CNTN4: variants seen among roughly 807,000 people sequenced by gnomAD.
CNTN4 encodes the protein contactin-4.
In CNTN4, 77 loss-of-function variants were observed where a neutral mutation model predicts 122.5. The observed-to-expected ratio is 0.63, with a 90% CI of 0.52 to 0.76. The LOEUF (loss-of-function observed/expected upper bound fraction) is 0.76. Ranked by LOEUF, CNTN4 falls within the 30% of genes least tolerant of loss-of-function variation. The pLI is 0.00. For synonymous variants in CNTN4, 512 were observed against 447.0 expected (o/e 1.15, Z -1.83); for missense variants, 1,256 against 1,259.1 (o/e 1.00, Z 0.04).
chr3:2,361,543 G>A (rs2045140720), intron 3 of CNTN4, among the ~76,000 whole-genome samples: 1 of 152,250 alleles, frequency 6.6e-6, no homozygotes, highest in East Asian at 1.9e-4. Flanking sequence ...TGTGACTTTG[G>A]CATTGTTAGC....
chr3:2,754,042 G>A (rs116717312), intron 6 of CNTN4, among the ~76,000 whole-genome samples: 1 of 152,086 alleles, frequency 6.6e-6, no homozygotes, highest in African/African-American at 2.4e-5. Flanking sequence ...GTGAATAACT[G>A]GTTGGTAAAC....
At chr3:2,908,679 TG>T (rs1352618240) in intron 12 of CNTN4, among the ~76,000 whole-genome samples, 2 of 152,084 alleles carry the variant, frequency 1.3e-5, no homozygotes, top group Non-Finnish European at 2.9e-5. Context: ...CCAGAAGTGG[TG>T]GGGGTCAAAA....
In CNTN4 at chr3:2,776,154, T is replaced by C. The variant is rs531982096; in HGVS notation, c.358+30457T>C. Among the ~76,000 whole-genome samples, 9 of 151,922 alleles carry C rather than the reference T, an allele frequency of 5.9e-5. No homozygotes were observed. In the South Asian group the frequency reaches 1.5e-3, roughly 25 times the overall value. On this transcript the variant is annotated intron_variant, in intron 6 of 24. Transcript: ENST00000418658. ...AAAGAGTGGAGTCATGGCTCCAAAG[T>C]GGGGAGATTTGAGGGCCCCTCTTAT...
chr3:2,278,723 T>G (rs2041611629), intron 2 of CNTN4, among the ~76,000 whole-genome samples: 1 of 152,154 alleles, frequency 6.6e-6, no homozygotes, highest in Non-Finnish European at 1.5e-5. Flanking sequence ...CCTGAAAAAG[T>G]TTTCTAACTT....
At chr3:2,745,130 A>T (rs2089682174) in intron 5 of CNTN4, among the ~76,000 whole-genome samples, 1 of 152,224 alleles carries the variant, frequency 6.6e-6, no homozygotes, top group Admixed American at 6.5e-5. Flanking sequence ...ATATGCTGTC[A>T]TCTGTATAGA....
intron 2 of CNTN4, among the ~76,000 whole-genome samples, chr3:2,240,366 G>A (rs1002999608): frequency 1.3e-5 from 2 of 152,060 alleles, no homozygotes; most frequent in Non-Finnish European, 2.9e-5. Flanking sequence ...ATTGGGCTTA[G>A]TTTGCATTAA....
At chr3:2,954,180 G>T (rs2094775230) in intron 13 of CNTN4, among the ~76,000 whole-genome samples, 1 of 152,146 alleles carries the variant, frequency 6.6e-6, no homozygotes, top group Non-Finnish European at 1.5e-5. Flanking sequence ...TATCTTGATT[G>T]CCTAGACATC....
At chr3:2,911,581 C>T (rs1484564041) in intron 12 of CNTN4, among the ~76,000 whole-genome samples, 1 of 152,128 alleles carries the variant, frequency 6.6e-6, no homozygotes, top group East Asian at 1.9e-4. Context: ...CTACAGAAAT[C>T]AACCCTAAAG....
Position 2,739,914 on chromosome 3 carries a change from C to T in CNTN4, c.182+3573C>T, listed in dbSNP as rs563377571. ...AACTTCCTGTCCTTGATGGAAAGAA[C>T]GTTACTTTCCTTCTAATATAGAAAG... On this transcript the variant is annotated intron_variant, in intron 5 of 24. Coordinates refer to ENST00000418658, the MANE Select transcript of CNTN4 (RefSeq NM_175607.3). Among the ~76,000 whole-genome samples, 116 of 152,254 alleles carry T rather than the reference C, an allele frequency of 7.6e-4. 1 individual carries two copies. Among genetic ancestry groups the T allele is most frequent in the Non-Finnish European group, 5.1e-4 (35 of 68,020 alleles).
intron 4 of CNTN4, among the ~76,000 whole-genome samples, chr3:2,729,554 A>AAAG (rs2088516168): frequency 1.3e-5 from 2 of 150,446 alleles, no homozygotes; most frequent in Non-Finnish European, 3.0e-5. Context: ...AAAAAAAAAA[A>AAAG]AAAAAAAAAG....
At chr3:2,521,343 T>TCGGCCCCC (rs781282977) in intron 3 of CNTN4, among the ~76,000 whole-genome samples, 7 of 128,370 alleles carry the variant, frequency 5.5e-5, no homozygotes, top group African/African-American at 1.3e-4. Context: ...CCTCTACCCA[T>TCGGCCCCC]CCCCCCCACC....
chr3:2,610,036 G>A (rs748547666), intron 4 of CNTN4, among the ~76,000 whole-genome samples: 10 of 152,054 alleles, frequency 6.6e-5, no homozygotes, highest in Non-Finnish European at 1.0e-4. Flanking sequence ...CACAGTGCCC[G>A]CACATGGTAG....
intron 2 of CNTN4, among the ~76,000 whole-genome samples, chr3:2,129,315 G>T (rs541832578): frequency 6.6e-6 from 1 of 151,134 alleles, no homozygotes; most frequent in Non-Finnish European, 1.5e-5. Context: ...CTTCCCATGG[G>T]CATTGGGTGC....
intron 13 of CNTN4, among the ~76,000 whole-genome samples, chr3:2,983,404 A>G (rs1694244432): frequency 6.6e-6 from 1 of 151,946 alleles, no homozygotes. Flanking sequence ...TGGCAGAACT[A>G]CTCAGCAGTT....
At chr3:2,554,365 T>C (rs1226078408) in intron 3 of CNTN4, among the ~76,000 whole-genome samples, 1 of 152,134 alleles carries the variant, frequency 6.6e-6, no homozygotes, top group African/African-American at 2.4e-5. Context: ...AAACATACTT[T>C]GCTTAGTCCA....
chr3:2,866,551 A>T (rs2093725876), intron 7 of CNTN4: 1 of 1,248,986 alleles, frequency 8.0e-7, no homozygotes, highest in African/African-American at 1.5e-5. Context: ...TTCTCTGGAA[A>T]TAAAACCTTA....
At chr3:2,337,669 T>C (rs993650989) in intron 2 of CNTN4, among the ~76,000 whole-genome samples, 5 of 152,098 alleles carry the variant, frequency 3.3e-5, no homozygotes, top group Non-Finnish European at 7.4e-5. Flanking sequence ...AAGAACAACA[T>C]AATTATTTTA....
intron 14 of CNTN4, among the ~76,000 whole-genome samples, chr3:3,023,248 G>T (rs1698448183): frequency 6.6e-6 from 1 of 152,108 alleles, no homozygotes; most frequent in South Asian, 2.1e-4. Flanking sequence ...GACCTCTCTG[G>T]TATGTGTACA....
intron 7 of CNTN4, among the ~76,000 whole-genome samples, chr3:2,849,468 G>C (rs929837141): frequency 4.6e-5 from 7 of 152,132 alleles, no homozygotes; most frequent in African/African-American, 1.4e-4. Context: ...AAAACCTTAG[G>C]CATTAAGGAA....
Sources: allele counts gnomAD v4.1 joint callset (sites outside exome capture counted in the v4.1 genomes callset), GRCh38; gene constraint gnomAD v4.1.1; transcripts MANE v1.5; gene names NCBI Gene and HGNC (gene_info 2026-07-23, HGNC 2026-07-21).